LPL: variants seen among roughly 807,000 people sequenced by gnomAD.
LPL encodes phospholipase A1.
Under a neutral mutation model 52.2 loss-of-function variants are expected in LPL, and 43 were observed. That is an observed-to-expected ratio of 0.82 (90% confidence interval 0.64 to 1.06). The LOEUF is 1.06. Ranked by LOEUF, LPL falls within the 50% of genes least tolerant of loss-of-function variation. The probability of loss-of-function intolerance (pLI) is 0.00; values close to 1 mark genes in which losing one functional copy is unlikely to be tolerated. For missense variants in LPL, 639 were observed against 585.3 expected (o/e 1.09, Z -0.95); for synonymous variants, 244 against 215.6 (o/e 1.13, Z -1.15).
At chr8:19,956,163 G>C in intron 6 of LPL, 80 bp downstream of exon 6, 14 of 1,589,336 alleles carry the variant, frequency 8.8e-6, no homozygotes, top group Non-Finnish European at 1.2e-5. Context: ...TACTGATTCT[G>C]TCCATTGGAA....
chr8:19,963,786 A>C (rs571780044), intron 9 of LPL, among the ~76,000 whole-genome samples: 58 of 152,338 alleles, frequency 3.8e-4, no homozygotes, highest in African/African-American at 1.4e-3. Flanking sequence ...AAAATGGAGA[A>C]TAGTTAGTGG....
At position 19,962,724 on chromosome 8, in the gene LPL, C is replaced by A. The variant is rs78209484; in HGVS notation, c.1427+505C>A. ...CCGGGACACACAGCCAACAGGGCTGCCCCAAGCACCCATCTCAAAACCCTC... is the reference window on the plus strand; with the variant it reads ...CCGGGACACACAGCCAACAGGGCTGACCCAAGCACCCATCTCAAAACCCTC... On this transcript the variant is annotated intron_variant, in intron 9 of 9. Coordinates refer to ENST00000650287, the MANE Select transcript of LPL (RefSeq NM_000237.3). 2.1e-4 allele frequency among the ~76,000 whole-genome samples: 32 copies of A among 152,318 alleles called. No individual in the cohort carries two copies. In the East Asian group the frequency reaches 4.1e-3, roughly 19 times the overall value.
intron 1 of LPL, among the ~76,000 whole-genome samples, chr8:19,941,425 A>G (rs1438076835): frequency 6.6e-6 from 1 of 152,190 alleles, no homozygotes. Context: ...AATTCTTGGG[A>G]GTCAGTGTCA....
At chr8:19,964,096 G>A (rs181023596) in intron 9 of LPL, among the ~76,000 whole-genome samples, 17 of 152,076 alleles carry the variant, frequency 1.1e-4, no homozygotes, top group South Asian at 2.1e-4. Flanking sequence ...GGGATTACAC[G>A]TGTCCGCCAC....
intron 9 of LPL, among the ~76,000 whole-genome samples, chr8:19,964,952 A>G (rs1309607766): frequency 6.6e-6 from 1 of 152,166 alleles, no homozygotes; most frequent in Non-Finnish European, 1.5e-5. Context: ...TCTCTTTCTC[A>G]CACCTTCTGC....
chr8:19,948,064 C>A lies in LPL; in HGVS notation c.89-116C>A, dbSNP rs2069898624. ...CAATCCACATTCGTTTTCGAAAACA[C>A]TTCAGAAACAAAAATAGCATCAGCG... On this transcript the variant is annotated intron_variant, in intron 1 of 9. Transcript: ENST00000650287. 2.4e-5 allele frequency: 28 copies of A among 1,151,822 alleles called. 3 individuals are homozygous for A. The South Asian group carries it at 3.4e-4, about 14-fold the overall frequency. 71.4% of individuals were successfully genotyped at this position (1,151,822 alleles called of 1,614,324 possible).
chr8:19,960,564 C>T (rs1041980102), intron 7 of LPL, among the ~76,000 whole-genome samples: 3 of 152,024 alleles, frequency 2.0e-5, no homozygotes, highest in African/African-American at 7.2e-5. Context: ...CGTATGTGTG[C>T]TATGATTGTA....
At position 19,962,135 on chromosome 8, in the gene LPL, A is replaced by G. The variant is rs1392161175; in HGVS notation, c.1343A>G (p.Glu448Gly). 3.1e-6 allele frequency: 5 copies of G among 1,613,264 alleles called. No homozygotes were observed. Among genetic ancestry groups the G allele is most frequent in the Non-Finnish European group, 4.2e-6 (5 of 1,179,388 alleles). ...CACAGGGTGATCTTCTGTTCTAGGG[A>G]GAAAGTGTCTCATTTGCAGAAAGGA... ...TQKKVIFCSR[E>G]KVSHLQKGKA... is the part of the protein sequence containing the mutation. The change falls in exon 9 of 10, where the codon GAG becomes GGG. Residue 448 changes from glutamate to glycine, a missense_variant. Physicochemically the swap from Glu to Gly is moderately conservative, Grantham distance 98. Coordinates refer to ENST00000650287, the MANE Select transcript of LPL (RefSeq NM_000237.3).
In LPL at chr8:19,960,915, C is replaced by T; in HGVS notation, c.1154C>T (p.Thr385Ile). 1 of 1,613,668 alleles carries T rather than the reference C, an allele frequency of 6.2e-7. No homozygotes were observed. Among genetic ancestry groups the T allele is most frequent in the Non-Finnish European group, 8.5e-7 (1 of 1,179,834 alleles). Reference protein sequence around the residue: ...NIPFTLPEVSTNKTYSFLIYT... With the variant: ...NIPFTLPEVSINKTYSFLIYT... Reference sequence around the variant, plus strand: ...TTTTTGTTTAGGCCTGAAGTTTCCACAAATAAGACCTACTCCTTCCTAATT... The same window carrying T: ...TTTTTGTTTAGGCCTGAAGTTTCCATAAATAAGACCTACTCCTTCCTAATT... Residue 385 changes from threonine (T) to isoleucine (I), a missense_variant, in exon 8 of 10, where the codon ACA (threonine) becomes ATA (isoleucine). Transcript: ENST00000650287.
At chr8:19,958,275 G>A (rs2070005276) in intron 6 of LPL, among the ~76,000 whole-genome samples, 1 of 152,076 alleles carries the variant, frequency 6.6e-6, no homozygotes, top group Admixed American at 6.6e-5. Context: ...ACCCACCAAG[G>A]CCTCCCAAAG....
At position 19,953,338 on chromosome 8, in the gene LPL, T is replaced by C; in HGVS notation, c.458T>C (p.Val153Ala). The C allele has an allele frequency of 6.2e-7, 1 of 1,613,788 alleles. No homozygotes were observed. The highest frequency in any genetic ancestry group is 8.5e-7 in the Non-Finnish European group (1 of 1,179,666). ...GAGTTTAACTACCCTCTGGACAATGTCCATCTCTTGGGATACAGCCTTGGA... is the reference window on the plus strand; with the variant it reads ...GAGTTTAACTACCCTCTGGACAATGCCCATCTCTTGGGATACAGCCTTGGA... ...EEEFNYPLDN[V>A]HLLGYSLGAH... Residue 153 changes from valine to alanine, a missense_variant, in exon 4 of 10, where the codon GTC (valine) becomes GCC (alanine). Coordinates refer to ENST00000650287, the MANE Select transcript of LPL (RefSeq NM_000237.3).
rs2070080158 is a variant in LPL, at chr8:19,965,670, T to G, written c.*360T>G. 4.7e-6 allele frequency: 1 copy of G among 212,492 alleles called. No homozygotes were observed. Among genetic ancestry groups the G allele is most frequent in the South Asian group, 1.5e-4 (1 of 6,680 alleles). 13.2% of individuals were successfully genotyped at this position (212,492 alleles called of 1,614,324 possible). On this transcript the variant is annotated 3_prime_UTR_variant, in exon 10 of 10. Coordinates refer to ENST00000650287, the MANE Select transcript of LPL (RefSeq NM_000237.3). Reference sequence around the variant, plus strand: ...CCATAGCCTATAATTGGTTAGAACCTCCTATTTTAATTGGAATTCTGGATC... The same window carrying G: ...CCATAGCCTATAATTGGTTAGAACCGCCTATTTTAATTGGAATTCTGGATC...
rs1234348989 is a variant in LPL at position 19,966,537 on chromosome 8, C to T, written c.*1227C>T. ...TCCTATTTTTCAGAATGCTCTTCTA[C>T]GTATAAATATGAAATGATAAAGATG... is the stretch of plus-strand genomic sequence containing the variant. On this transcript the variant is annotated 3_prime_UTR_variant, in exon 10 of 10. Transcript: ENST00000650287. 2.0e-5 allele frequency: 3 copies of T among 152,094 alleles called. No individual in the cohort carries two copies. The highest frequency in any genetic ancestry group is 2.1e-4 in the South Asian group (1 of 4,818). The allele number at this position is 152,094 out of a possible 1,614,324, so 9.4% of individuals were successfully genotyped here.
intron 3 of LPL, among the ~76,000 whole-genome samples, chr8:19,952,751 C>T (rs930783525): frequency 2.0e-5 from 3 of 152,162 alleles, no homozygotes; most frequent in Non-Finnish European, 4.4e-5. Context: ...AGGGGCTGGA[C>T]CATGTACCTC....
rs749739032 is a variant in LPL at position 19,939,496 on chromosome 8, C to A, written c.56C>A (p.Thr19Asn). ...LTLAVWLQSL[T>N]ASRGGVAAAD... ...CTGGCCGTGTGGCTCCAGAGTCTGA[C>A]CGCCTCCCGCGGAGGGGTGGCCGCC... Residue 19 changes from threonine to asparagine, a missense_variant, in exon 1 of 10, where the codon ACC becomes AAC. Physicochemically the swap from Thr to Asn is moderately conservative, Grantham distance 65. Transcript: ENST00000650287. This position sits in a 1 kb window ranked among gnomAD's most constrained non-coding sequence, Gnocchi z 4.0. The A allele has an allele frequency of 1.2e-6, 2 of 1,610,480 alleles. No homozygotes were observed. The highest frequency in any genetic ancestry group is 1.7e-6 in the Non-Finnish European group (2 of 1,179,046).
At chr8:19,940,372 G>C (rs778679151) in intron 1 of LPL, among the ~76,000 whole-genome samples, 232 of 152,300 alleles carry the variant, frequency 1.5e-3, no homozygotes, top group Middle Eastern at 3.4e-3. Context: ...GGTCAGCTCC[G>C]GGCGCCCGGC....
At chr8:19,945,313 G>A (rs1332234064) in intron 1 of LPL, among the ~76,000 whole-genome samples, 2 of 152,082 alleles carry the variant, frequency 1.3e-5, no homozygotes, top group Non-Finnish European at 1.5e-5. Context: ...GACATCCTCG[G>A]GGGGTTGCAA....
At chr8:19,949,685 G>A (rs1201931609) in intron 2 of LPL, among the ~76,000 whole-genome samples, 4 of 152,156 alleles carry the variant, frequency 2.6e-5, no homozygotes, top group Admixed American at 6.5e-5. Context: ...GTTTCACCCT[G>A]TTGGCCAGGC....
intron 1 of LPL, chr8:19,946,568 T>G (rs1480395350): frequency 3.2e-6 from 1 of 312,340 alleles, no homozygotes; most frequent in Non-Finnish European, 6.4e-6. Flanking sequence ...GATTTTTAAA[T>G]TTTGAGTTGA....
Sources: allele counts gnomAD v4.1 joint callset (sites outside exome capture counted in the v4.1 genomes callset), GRCh38; gene constraint gnomAD v4.1.1; non-coding constraint Gnocchi (gnomAD v3.1); transcripts MANE v1.5; gene names NCBI Gene and HGNC (gene_info 2026-07-23, HGNC 2026-07-21).